Variants in TFB2M observed in about 807,000 individuals in gnomAD.
TFB2M encodes the protein transcription factor B2, mitochondrial.
Under a neutral mutation model 41.3 loss-of-function variants are expected in TFB2M, and 44 were observed. The observed-to-expected ratio is 1.07, with a 90% CI of 0.84 to 1.37. The LOEUF is 1.37. TFB2M is among the 40% of genes most tolerant of loss of function. The pLI, the probability that TFB2M is intolerant of heterozygous loss-of-function variation, is 0.00. For missense variants in TFB2M, 496 were observed against 490.2 expected (o/e 1.01, Z -0.11); for synonymous variants, 188 against 176.8 (o/e 1.06, Z -0.50).
chr1:246,549,808 T>C (rs1288758541), intron 5 of TFB2M, among the ~76,000 whole-genome samples: 1 of 152,170 alleles, frequency 6.6e-6, no homozygotes, highest in African/African-American at 2.4e-5. Flanking sequence ...TGTGGCCAAA[T>C]TGTGAAATTC....
In TFB2M at chr1:246,540,987, T is replaced by C; in HGVS notation, c.*44A>G. On this transcript the variant is annotated 3_prime_UTR_variant, in exon 8 of 8. Transcript: ENST00000366514. ...TCAAATTTGGTTTTCATGTCATAGT[T>C]TCCAAATAAATGAACCGCTCCACCA... The C allele has an allele frequency of 6.4e-7, 1 of 1,562,608 alleles. No homozygotes were observed.
At chr1:246,551,016 A>T (rs988831900) in intron 5 of TFB2M, among the ~76,000 whole-genome samples, 197 bp downstream of exon 5, 1 of 152,098 alleles carries the variant, frequency 6.6e-6, no homozygotes, top group African/African-American at 2.4e-5. Flanking sequence ...ATTCTTAAAC[A>T]TTTTAAAACT....
At chr1:246,545,925 TG>T (rs1203620348) in intron 6 of TFB2M, among the ~76,000 whole-genome samples, 1 of 151,128 alleles carries the variant, frequency 6.6e-6, no homozygotes, top group Non-Finnish European at 1.5e-5. Context: ...CATCACTCCA[TG>T]GGAAGAGAGG....
intron 6 of TFB2M, 58 bp downstream of exon 6, chr1:246,548,484 AAAT>A: frequency 1.4e-6 from 2 of 1,437,262 alleles, no homozygotes. Context: ...AGTCCTAAAA[AAAT>A]AAAATAAAAA....
In TFB2M at chr1:246,552,039, T is replaced by A. The variant is rs1415756106; in HGVS notation, c.706-737A>T. 2.0e-5 allele frequency among the ~76,000 whole-genome samples: 3 copies of A among 152,286 alleles called. No homozygotes were observed. The East Asian group carries it at 5.8e-4, about 29-fold the overall frequency. On this transcript the variant is annotated intron_variant, in intron 4 of 7. Coordinates refer to ENST00000366514, the MANE Select transcript of TFB2M (RefSeq NM_022366.3). ...TCCATAGCAATACAAATAAGCATTATAAAAATCTTAATCTTCTTTGAGTCT... is the reference window on the plus strand; with the variant it reads ...TCCATAGCAATACAAATAAGCATTAAAAAAATCTTAATCTTCTTTGAGTCT...
At chr1:246,549,636 A>C (rs1254010688) in intron 5 of TFB2M, among the ~76,000 whole-genome samples, 2 of 152,176 alleles carry the variant, frequency 1.3e-5, no homozygotes, top group African/African-American at 4.8e-5. Context: ...AAAACTATAC[A>C]TACCCATAAC....
chr1:246,561,664 T>C (rs1659458405), intron 2 of TFB2M, among the ~76,000 whole-genome samples: 1 of 152,190 alleles, frequency 6.6e-6, no homozygotes, highest in African/African-American at 2.4e-5. Flanking sequence ...AGATGGGGTT[T>C]CACTATGTTG....
chr1:246,545,302 G>A (rs1482665813), intron 6 of TFB2M, among the ~76,000 whole-genome samples: 6 of 152,062 alleles, frequency 3.9e-5, no homozygotes, highest in Non-Finnish European at 8.8e-5. Flanking sequence ...AGGCCAAGGC[G>A]TGGATCACTC....
intron 2 of TFB2M, among the ~76,000 whole-genome samples, chr1:246,561,125 A>G (rs1659445562): frequency 6.6e-6 from 1 of 152,210 alleles, no homozygotes; most frequent in African/African-American, 2.4e-5. Context: ...ACCTATTGTT[A>G]CTTCTCTTTT....
rs770122933 is a variant in TFB2M, at chr1:246,544,548, C to A, written c.992G>T (p.Arg331Leu). The change falls in exon 7 of 8, where the codon CGC (arginine) becomes CTC (leucine). Residue 331 changes from arginine to leucine, a missense_variant. Arg to Leu is a moderately radical substitution (Grantham distance 102). Transcript: ENST00000366514. The part of the protein sequence containing the change: ...FHLLKHCFGR[R>L]SATVIDHLRS... ...TAAGTGGTCTATTACAGTGGCGCTG[C>A]GCCTCCCAAAACAGTGCTTTAACAA... The A allele has an allele frequency of 6.2e-7, 1 of 1,607,790 alleles. No individual in the cohort carries two copies. The highest frequency in any genetic ancestry group is 8.5e-7 in the Non-Finnish European group (1 of 1,178,458).
chr1:246,555,306 G>T (rs1017182991), intron 4 of TFB2M, among the ~76,000 whole-genome samples: 10 of 152,274 alleles, frequency 6.6e-5, no homozygotes, highest in African/African-American at 2.2e-4. Context: ...ACTAAAAATA[G>T]ACTGGGTACA....
intron 6 of TFB2M, 64 bp from the exon 7 acceptor site, chr1:246,544,745 C>T (rs1232674831): frequency 7.1e-7 from 1 of 1,409,910 alleles, no homozygotes; most frequent in African/African-American, 1.5e-5. Context: ...ACATTGCTCA[C>T]TTCTTCCTTC....
At chr1:246,554,273 T>C (rs951999236) in intron 4 of TFB2M, among the ~76,000 whole-genome samples, 2 of 152,176 alleles carry the variant, frequency 1.3e-5, no homozygotes, top group Admixed American at 1.3e-4. Flanking sequence ...CAATGATCTA[T>C]TAGCTACGAC....
intron 6 of TFB2M, among the ~76,000 whole-genome samples, chr1:246,544,917 T>C (rs560001302): frequency 2.0e-5 from 3 of 152,114 alleles, no homozygotes; most frequent in Non-Finnish European, 4.4e-5. Context: ...GCCATTCTCC[T>C]GCCTCAGCCT....
chr1:246,542,017 T>C (rs1220058731), intron 7 of TFB2M, among the ~76,000 whole-genome samples: 1 of 152,150 alleles, frequency 6.6e-6, no homozygotes, highest in Non-Finnish European at 1.5e-5. Flanking sequence ...ATATAGCCTA[T>C]TACAGACTTA....
At chr1:246,561,592 C>A (rs1032447752) in intron 2 of TFB2M, among the ~76,000 whole-genome samples, 13 of 152,138 alleles carry the variant, frequency 8.5e-5, no homozygotes, top group Admixed American at 8.5e-4. Context: ...CTCAGCCTCC[C>A]AAGTAACTGG....
At chr1:246,560,854 C>G (rs757151433) in intron 2 of TFB2M, among the ~76,000 whole-genome samples, 14 of 152,124 alleles carry the variant, frequency 9.2e-5, no homozygotes, top group Non-Finnish European at 2.1e-4. Context: ...GTGGGTCAAG[C>G]CTGTAATCCT....
At chr1:246,565,773 TA>T in intron 1 of TFB2M, 52 bp downstream of exon 1, 1 of 1,559,800 alleles carries the variant, frequency 6.4e-7, no homozygotes, top group Non-Finnish European at 8.8e-7. Context: ...GGAGGGTCAA[TA>T]CGTTTGAATA....
chr1:246,542,807 A>G (rs1376225140), intron 7 of TFB2M, among the ~76,000 whole-genome samples: 2 of 151,758 alleles, frequency 1.3e-5, no homozygotes, highest in Admixed American at 6.6e-5. Context: ...TATTTTCTTG[A>G]TATTTTCATT....
Sources: allele counts gnomAD v4.1 joint callset (sites outside exome capture counted in the v4.1 genomes callset), GRCh38; gene constraint gnomAD v4.1.1; transcripts MANE v1.5; gene names NCBI Gene and HGNC (gene_info 2026-07-23, HGNC 2026-07-21).